PCSK6: variants seen among roughly 807,000 people sequenced by gnomAD.
PCSK6 encodes proprotein convertase subtilisin/kexin type 6, also known as paired basic amino acid cleaving enzyme 4.
In PCSK6, 85 loss-of-function variants were observed where a neutral mutation model predicts 123.3. That is an observed-to-expected ratio of 0.69 (90% CI 0.58 to 0.83). PCSK6 has a LOEUF of 0.83. Among genes scored for constraint, PCSK6 ranks in the 40% least tolerant of loss-of-function variants. The probability of loss-of-function intolerance (pLI) is 0.00; values close to 1 mark genes in which losing one functional copy is unlikely to be tolerated. For synonymous variants in PCSK6, 508 were observed against 516.0 expected (o/e 0.98, Z 0.21); for missense variants, 1,191 against 1,282.3 (o/e 0.93, Z 1.09).
At chr15:101,369,363 T>C (rs530275544) in intron 12 of PCSK6, among the ~76,000 whole-genome samples, 3 of 150,428 alleles carry the variant, frequency 2.0e-5, no homozygotes, top group East Asian at 3.9e-4. Flanking sequence ...CGCTAGCCCC[T>C]GTTTCTGAAT....
chr15:101,409,905 G>A (rs147287096), intron 6 of PCSK6, among the ~76,000 whole-genome samples: 11 of 152,336 alleles, frequency 7.2e-5, no homozygotes, highest in African/African-American at 2.2e-4. Context: ...TCCTCAGCCT[G>A]CATTCTGGGA....
chr15:101,314,612 C>G (rs28688400), intron 19 of PCSK6, among the ~76,000 whole-genome samples: 1,901 of 152,312 alleles, frequency 0.012, 48 homozygotes, highest in African/African-American at 0.044. Context: ...GCCCTGGGCT[C>G]TGGGGCTGGC....
At chr15:101,403,306 G>A (rs1332128702) in intron 6 of PCSK6, among the ~76,000 whole-genome samples, 2 of 148,954 alleles carry the variant, frequency 1.3e-5, no homozygotes, top group African/African-American at 4.9e-5. Flanking sequence ...AGCATTAGGA[G>A]ATATACCTAA....
At chr15:101,364,730 T>G (rs2041338057) in intron 13 of PCSK6, 1 of 429,374 alleles carries the variant, frequency 2.3e-6, no homozygotes, top group Admixed American at 3.8e-5. Context: ...TGTGGAAATA[T>G]TCCCCAAAAT....
chr15:101,368,869 G>T (rs942004052), intron 12 of PCSK6, among the ~76,000 whole-genome samples: 2 of 152,210 alleles, frequency 1.3e-5, no homozygotes, highest in Admixed American at 1.3e-4. Context: ...AATCTTTAAG[G>T]TTAAAAAAAT....
At position 101,398,467 on chromosome 15, in the gene PCSK6, G is replaced by A. The variant is rs567006763; in HGVS notation, c.933C>T (p.Asp311=). The A allele has an allele frequency of 6.6e-5, 107 of 1,613,946 alleles. No individual in the cohort carries two copies. Among genetic ancestry groups the A allele is most frequent in the East Asian group, 4.0e-4 (18 of 44,890 alleles). Residue 311 remains aspartate, a synonymous_variant, in exon 7 of 22, where the codon GAC becomes GAT. Coordinates refer to ENST00000611716, the MANE Select transcript of PCSK6 (RefSeq NM_002570.5). The surrounding 1 kb of genome is among the most constrained non-coding windows in gnomAD (Gnocchi z 4.6). The stretch of plus-strand genomic sequence containing the variant: ...GGCCGGGCCCGTCCACCGTCTTGCC[G>A]TCGTCGTCCGGCCCCCAGCTGGCAC... ...IYSASWGPDD[D]GKTVDGPGRL...
At chr15:101,392,831 T>C (rs1002463944) in intron 8 of PCSK6, among the ~76,000 whole-genome samples, 2 of 152,138 alleles carry the variant, frequency 1.3e-5, no homozygotes, top group African/African-American at 4.8e-5. Flanking sequence ...ACCAAGTCTT[T>C]CTCTTACTCT....
intron 9 of PCSK6, 23 bp downstream of exon 9, chr15:101,389,441 G>T: frequency 2.6e-6 from 4 of 1,534,906 alleles, no homozygotes; most frequent in Non-Finnish European, 3.6e-6. Flanking sequence ...TTTTTTTTTA[G>T]AAAAAGGTAA....
chr15:101,308,194 T>TGTCCTGA (rs1426823710), intron 20 of PCSK6: 1 of 152,338 alleles, frequency 6.6e-6, no homozygotes, highest in Non-Finnish European at 1.5e-5. Context: ...TGCTGCTGCC[T>TGTCCTGA]GTCCTGAGTC....
chr15:101,415,024 A>G (rs1231651310), intron 6 of PCSK6, among the ~76,000 whole-genome samples: 1 of 152,256 alleles, frequency 6.6e-6, no homozygotes, highest in Non-Finnish European at 1.5e-5. Flanking sequence ...CCAAAGTACA[A>G]TTAAAGGGCA....
At chr15:101,425,245 G>A (rs940975863) in intron 6 of PCSK6, among the ~76,000 whole-genome samples, 5 of 152,320 alleles carry the variant, frequency 3.3e-5, no homozygotes, top group South Asian at 2.1e-4. Flanking sequence ...GTGGGGTTGA[G>A]GCTGGCCTTG....
chr15:101,462,480 C>A (rs959020564), intron 1 of PCSK6, among the ~76,000 whole-genome samples: 6 of 152,116 alleles, frequency 3.9e-5, no homozygotes, highest in African/African-American at 1.4e-4. Context: ...CCTAAAACTC[C>A]TGAAAAAGAA....
intron 11 of PCSK6, among the ~76,000 whole-genome samples, chr15:101,375,127 A>C (rs1411100470): frequency 6.6e-6 from 1 of 151,822 alleles, no homozygotes; most frequent in Non-Finnish European, 1.5e-5. Context: ...CAATGTTTGT[A>C]TTTTTAGTAG....
chr15:101,465,071 TGA>T (rs2057426018), intron 1 of PCSK6, among the ~76,000 whole-genome samples: 1 of 152,182 alleles, frequency 6.6e-6, no homozygotes. Flanking sequence ...CTGGGTCTGC[TGA>T]GCAGAACCAT....
At chr15:101,366,017 TA>T in intron 13 of PCSK6, 178 bp downstream of exon 13, 1 of 586,120 alleles carries the variant, frequency 1.7e-6, no homozygotes, top group Non-Finnish European at 2.8e-6. Flanking sequence ...GTGGATGTAC[TA>T]AAAGCCACTG....
Position 101,398,375 on chromosome 15 carries a change from C to T in PCSK6, c.996+29G>A, listed in dbSNP as rs371371071. 6.3e-6 allele frequency: 10 copies of T among 1,581,896 alleles called. No homozygotes were observed. Among genetic ancestry groups the T allele is most frequent in the East Asian group, 2.3e-5 (1 of 44,328 alleles). ...GTTTACTGTCACCCTTGTCCCAGAG[C>T]GCTCCCCTGTAGCCCTGGTTACTCA... On this transcript the variant is annotated intron_variant, in intron 7 of 21. Transcript: ENST00000611716. This position sits in a 1 kb window ranked among gnomAD's most constrained non-coding sequence, Gnocchi z 4.6.
chr15:101,314,716 G>A (rs913655998), intron 19 of PCSK6, among the ~76,000 whole-genome samples: 3 of 152,142 alleles, frequency 2.0e-5, no homozygotes, highest in African/African-American at 7.2e-5. Context: ...GAGTGAAGCC[G>A]AGAAGGCCAC....
At chr15:101,428,633 G>C (rs541360635) in intron 5 of PCSK6, among the ~76,000 whole-genome samples, 5 of 152,198 alleles carry the variant, frequency 3.3e-5, no homozygotes, top group African/African-American at 1.2e-4. Flanking sequence ...GATGTGCCAC[G>C]TCGGGTCAGT....
chr15:101,449,875 C>T (rs1393539461), intron 1 of PCSK6, among the ~76,000 whole-genome samples: 1 of 152,138 alleles, frequency 6.6e-6, no homozygotes, highest in East Asian at 1.9e-4. Context: ...GAGCCTCTCC[C>T]GCCTAAGGGG....
Sources: allele counts gnomAD v4.1 joint callset (sites outside exome capture counted in the v4.1 genomes callset), GRCh38; gene constraint gnomAD v4.1.1; non-coding constraint Gnocchi (gnomAD v3.1); transcripts MANE v1.5; gene names NCBI Gene and HGNC (gene_info 2026-07-23, HGNC 2026-07-21).